The following GNAT2 variants were observed in gnomAD, a reference collection of about 807,000 sequenced individuals.
GNAT2 encodes the protein G protein subunit alpha transducin 2.
A neutral mutation model predicts 40.9 loss-of-function variants in GNAT2; 32 were observed. The observed-to-expected ratio is 0.78, with a 90% CI of 0.59 to 1.05. GNAT2 has a LOEUF of 1.05. GNAT2 is among the 50% of genes least tolerant of loss of function. The probability of loss-of-function intolerance (pLI) is 0.00; values close to 1 mark genes in which losing one functional copy is unlikely to be tolerated. For missense variants in GNAT2, 355 were observed against 431.5 expected, an observed-to-expected ratio of 0.82 and a Z score of 1.57; for synonymous variants, 141 against 157.2, an observed-to-expected ratio of 0.90 and a Z score of 0.77.
intron 1 of GNAT2, chr1:109,615,099 T>C (rs1473859558): frequency 1.3e-5 from 2 of 152,262 alleles, no homozygotes; most frequent in Non-Finnish European, 2.9e-5. Context: ...ATAGTTATTA[T>C]AATTAATAAC....
rs114567060 is a variant in GNAT2 at position 109,605,563 on chromosome 1, A to G, written c.720+407T>C. On this transcript the variant is annotated intron_variant, in intron 7 of 8. Transcript: ENST00000679935. Reference sequence around the variant, plus strand: ...AGCTCAACCCTTCTATTATGTTGCAATGAAGATTCATATCATATGTTATTT... The same window carrying G: ...AGCTCAACCCTTCTATTATGTTGCAGTGAAGATTCATATCATATGTTATTT... 2.8e-3 allele frequency: 868 copies of G among 315,098 alleles called. 18 individuals are homozygous for G. Among genetic ancestry groups the G allele is most frequent in the African/African-American group, 0.018 (822 of 46,322 alleles). 19.5% of individuals were successfully genotyped at this position (315,098 alleles called of 1,614,324 possible). A position where few individuals can be genotyped will look rare whatever the true frequency, so the allele number is the denominator to read the frequency against.
intron 5 of GNAT2, chr1:109,607,058 T>G (rs1649619787): frequency 6.5e-6 from 1 of 154,492 alleles, no homozygotes; most frequent in Admixed American, 6.4e-5. Flanking sequence ...GAAATAAGAT[T>G]GGCCATGAGT....
At chr1:109,603,819 C>G in intron 8 of GNAT2, 132 bp downstream of exon 8, 1 of 765,700 alleles carries the variant, frequency 1.3e-6, no homozygotes, top group Non-Finnish European at 2.3e-6. Context: ...TCCAGAGTAT[C>G]TGAATTTAAA....
chr1:109,608,683 G>A lies in GNAT2; in HGVS notation c.409C>T (p.Gln137Ter). ...TCTGCAGCTCTCTCGAAGCAGGCTTGCACCCCACCATCCTTCCACAACCTC... is the reference window on the plus strand; with the variant it reads ...TCTGCAGCTCTCTCGAAGCAGGCTTACACCCCACCATCCTTCCACAACCTC... ...IRRLWKDGGV[Q>*]ACFERAAEYQ... The change falls in exon 5 of 9, where the codon CAA becomes TAA. Residue 137 changes from glutamine to a stop codon, truncating the protein, a stop_gained. Transcript: ENST00000679935. LOFTEE classifies it high-confidence loss of function. 2 of 1,614,030 alleles carry A rather than the reference G, an allele frequency of 1.2e-6. No individual in the cohort carries two copies. The highest frequency in any genetic ancestry group is 4.5e-5 in the East Asian group (2 of 44,882).
intron 4 of GNAT2, chr1:109,609,090 G>T (rs183403642): frequency 1.6e-5 from 7 of 443,240 alleles, no homozygotes; most frequent in South Asian, 1.3e-4. Context: ...GCCACAAAAC[G>T]TGGGTCCTCT....
intron 1 of GNAT2, chr1:109,614,220 T>C (rs1030399316): frequency 6.6e-6 from 1 of 152,172 alleles, no homozygotes; most frequent in Non-Finnish European, 1.5e-5. Flanking sequence ...AGATCTCAGG[T>C]GACTCTAAAG....
At chr1:109,616,771 T>A in intron 1 of GNAT2, 1 of 149,892 alleles carries the variant, frequency 6.7e-6, no homozygotes, top group Non-Finnish European at 1.5e-5. Context: ...AGAATAACAG[T>A]GGAAGTGGGA....
intron 5 of GNAT2, chr1:109,607,070 G>C (rs1346014750): frequency 1.3e-5 from 2 of 153,186 alleles, no homozygotes; most frequent in East Asian, 1.9e-4. Context: ...GCCATGAGTT[G>C]ATAACTGTTG....
At chr1:109,613,120 A>G (rs1273735145) in intron 1 of GNAT2, 197 bp from the exon 2 acceptor site, 8 of 480,602 alleles carry the variant, frequency 1.7e-5, no homozygotes, top group Admixed American at 6.5e-5. Flanking sequence ...ATATCTAGCA[A>G]TGTGATAGGT....
Position 109,608,664 on chromosome 1 carries a change from GCT to G in GNAT2, c.426_427del (p.Arg142SerfsTer7). 1 of 1,614,022 alleles carries G rather than the reference GCT, an allele frequency of 6.2e-7. No homozygotes were observed. The highest frequency in any genetic ancestry group is 8.5e-7 in the Non-Finnish European group (1 of 1,179,914). On this transcript the variant is annotated frameshift_variant, in exon 5 of 9. Transcript: ENST00000679935. LOFTEE classifies it high-confidence loss of function. The stretch of plus-strand genomic sequence containing the variant: ...GGAGTCATTAAGCTGGTATTCTGCA[GCT>G]CTCTCGAAGCAGGCTTGCACCCCAC...
chr1:109,607,840 T>C (rs941069314), intron 5 of GNAT2: 2 of 152,584 alleles, frequency 1.3e-5, no homozygotes, highest in African/African-American at 4.8e-5. Flanking sequence ...ACTGCGTAGA[T>C]GGGTAAAGGG....
At chr1:109,612,650 C>T (rs190643056) in intron 2 of GNAT2, 103 bp downstream of exon 2, 7 of 791,094 alleles carry the variant, frequency 8.8e-6, no homozygotes, top group Admixed American at 3.4e-5. Flanking sequence ...GGAAAAATGA[C>T]CTGCCACCCT....
intron 4 of GNAT2, 116 bp downstream of exon 4, chr1:109,609,924 G>T: frequency 1.9e-6 from 2 of 1,039,724 alleles, no homozygotes; most frequent in East Asian, 2.4e-5. Flanking sequence ...CAGCAGGTGG[G>T]ATTTTAGTTA....
At position 109,609,990 on chromosome 1, in the gene GNAT2, T is replaced by C. The variant is rs769373852; in HGVS notation, c.303+50A>G. 1.2e-5 allele frequency: 19 copies of C among 1,589,218 alleles called. No individual in the cohort carries two copies. The East Asian group carries it at 4.0e-4, about 34-fold the overall frequency. On this transcript the variant is annotated intron_variant, in intron 4 of 8. Coordinates refer to ENST00000679935, the MANE Select transcript of GNAT2 (RefSeq NM_001377295.2). ...TTGTTGGCCTCTGGTATGTTTCTTC[T>C]TGCTAGCCTTTCTGCTTCCACCCTT...
rs1649741925 is a variant in GNAT2 at position 109,609,979 on chromosome 1, T to C, written c.303+61A>G. Reference sequence around the variant, plus strand: ...TTCCATATAGTTTGTTGGCCTCTGGTATGTTTCTTCTTGCTAGCCTTTCTG... The same window carrying C: ...TTCCATATAGTTTGTTGGCCTCTGGCATGTTTCTTCTTGCTAGCCTTTCTG... On this transcript the variant is annotated intron_variant, in intron 4 of 8. Transcript: ENST00000679935. The C allele has an allele frequency of 3.3e-6, 5 of 1,520,212 alleles. No individual in the cohort carries two copies. In the African/African-American group the frequency reaches 6.8e-5, roughly 21 times the overall value. The allele number at this position is 1,520,212 out of a possible 1,614,324, so 94.2% of individuals were successfully genotyped here. A position where few individuals can be genotyped will look rare whatever the true frequency, so the allele number is the denominator to read the frequency against.
chr1:109,610,478 C>T lies in GNAT2; in HGVS notation c.148G>A (p.Val50Ile), dbSNP rs749334089. The T allele has an allele frequency of 2.2e-5, 35 of 1,613,720 alleles. No individual in the cohort carries two copies. The highest frequency in any genetic ancestry group is 2.5e-5 in the Non-Finnish European group (29 of 1,179,808). ...GTTTCTACTCACTTCATCTGTTTGACGATGGTGCTCTTTCCTGACTCCCCA... is the reference window on the plus strand; with the variant it reads ...GTTTCTACTCACTTCATCTGTTTGATGATGGTGCTCTTTCCTGACTCCCCA... ...GAGESGKSTI[V>I]KQMKIIHQDG... Residue 50 changes from valine to isoleucine, a missense_variant, in exon 3 of 9, where the codon GTC becomes ATC. Physicochemically the swap from Val to Ile is conservative, Grantham distance 29. Coordinates refer to ENST00000679935, the MANE Select transcript of GNAT2 (RefSeq NM_001377295.2).
intron 6 of GNAT2, 47 bp from the exon 7 acceptor site, chr1:109,606,146 C>CTA (rs757273018): frequency 2.7e-4 from 431 of 1,609,376 alleles, no homozygotes; most frequent in Non-Finnish European, 3.5e-4. Flanking sequence ...AACATACGAC[C>CTA]TATATGCCTT....
chr1:109,605,344 A>C (rs1314247835), intron 7 of GNAT2: 1 of 155,286 alleles, frequency 6.4e-6, no homozygotes. Context: ...AACCTTTCCC[A>C]AATTCAGAAA....
At chr1:109,615,367 C>T (rs1486631355) in intron 1 of GNAT2, 1 of 152,070 alleles carries the variant, frequency 6.6e-6, no homozygotes. Context: ...CATGGTGGCT[C>T]ACGCCTGTAA....
Sources: gnomAD v4.1 joint callset for allele counts on GRCh38, gnomAD v4.1.1 for gene constraint, MANE v1.5 for transcripts, NCBI Gene and HGNC (gene_info 2026-07-23, HGNC 2026-07-21) for gene names.